The following PCED1B variants were observed in gnomAD, a reference collection of about 807,000 sequenced individuals.
The protein encoded by PCED1B is PC-esterase domain-containing protein 1B.
For synonymous variants in PCED1B, 251 were observed against 246.1 expected, an observed-to-expected ratio of 1.02 and a Z score of -0.19; for missense variants, 573 against 573.9, an observed-to-expected ratio of 1.00 and a Z score of 0.02.
At chr12:47,221,394 G>T (rs562709819) in intron 3 of PCED1B, among the ~76,000 whole-genome samples, 69 of 136,540 alleles carry the variant, frequency 5.1e-4, no homozygotes, top group African/African-American at 1.9e-3. Flanking sequence ...GTCCAGGTTG[G>T]TCTTGAATTC....
intron 2 of PCED1B, among the ~76,000 whole-genome samples, chr12:47,112,347 T>C (rs146822988): frequency 1.6e-4 from 25 of 152,358 alleles, no homozygotes; most frequent in African/African-American, 6.0e-4. Context: ...GTCTTGATTG[T>C]TTAAAGACTA....
intron 2 of PCED1B, among the ~76,000 whole-genome samples, chr12:47,173,236 A>C (rs2137563359): frequency 6.6e-6 from 1 of 152,310 alleles, no homozygotes; most frequent in East Asian, 1.9e-4. Context: ...ACTTTTTCGA[A>C]GTTCAGAATC....
intron 2 of PCED1B, among the ~76,000 whole-genome samples, chr12:47,154,766 GGTGTGTGTGTGCATGTGTGTGT>G (rs1941132079): frequency 7.9e-6 from 1 of 126,356 alleles, no homozygotes; most frequent in Non-Finnish European, 1.6e-5. Context: ...AGGACAGAGG[GGTGTGTGTGTGCATGTGTGTGT>G]GTGTGTGTGT....
chr12:47,113,965 A>AAC (rs369455510), intron 2 of PCED1B, among the ~76,000 whole-genome samples: 38,426 of 148,722 alleles, frequency 0.26, 5,830 homozygotes, highest in East Asian at 0.43. Context: ...AGAAAAAAAA[A>AAC]ACACACACAC....
intron 2 of PCED1B, among the ~76,000 whole-genome samples, chr12:47,117,676 A>G (rs970494255): frequency 5.9e-5 from 9 of 152,096 alleles, no homozygotes; most frequent in African/African-American, 9.7e-5. Context: ...ATGTGTCTTT[A>G]TAGCAGCATG....
In PCED1B at chr12:47,095,291, A is replaced by G. The variant is rs189445615; in HGVS notation, c.-608-8822A>G. 3.9e-5 allele frequency among the ~76,000 whole-genome samples: 6 copies of G among 152,196 alleles called. No homozygotes were observed. The East Asian group carries it at 1.2e-3, about 29-fold the overall frequency. ...TATTGTCTTCTCGCATCTATAATTT[A>G]TGTTGATAAATCAACTGTGAATCTT... On this transcript the variant is annotated intron_variant, in intron 1 of 3. Coordinates refer to ENST00000546455, the MANE Select transcript of PCED1B (RefSeq NM_138371.3).
intron 2 of PCED1B, among the ~76,000 whole-genome samples, chr12:47,198,181 G>A (rs1353128668): frequency 6.6e-6 from 1 of 152,112 alleles, no homozygotes; most frequent in East Asian, 1.9e-4. Context: ...CAATGTATAA[G>A]AAGAATTATG....
In PCED1B at chr12:47,200,817, G is replaced by A. The variant is rs7959307; in HGVS notation, c.-525-15405G>A. ...AGTTCAGATCACTGCAGAGTAAGTG[G>A]AAAAAATAATAATGAGACTTAAACA... is the stretch of plus-strand genomic sequence containing the variant. On this transcript the variant is annotated intron_variant, in intron 2 of 3. Coordinates refer to ENST00000546455, the MANE Select transcript of PCED1B (RefSeq NM_138371.3). Among the ~76,000 whole-genome samples, 1,224 of 152,246 alleles carry A rather than the reference G, an allele frequency of 8.0e-3. 12 individuals are homozygous for A. Among genetic ancestry groups the A allele is most frequent in the Admixed American group, 0.017 (262 of 15,278 alleles).
intron 1 of PCED1B, among the ~76,000 whole-genome samples, chr12:47,091,713 T>A (rs114034337): frequency 0.018 from 2,724 of 152,280 alleles, 82 homozygotes; most frequent in African/African-American, 0.062. Flanking sequence ...TATTGACTCT[T>A]GTGTGTAATG....
In PCED1B at chr12:47,235,040, G is replaced by A. The variant is rs375751919; in HGVS notation, c.-24G>A. On this transcript the variant is annotated 5_prime_UTR_variant, in exon 4 of 4. Coordinates refer to ENST00000546455, the MANE Select transcript of PCED1B (RefSeq NM_138371.3). ...AGAGCCATCCTGTGCAAAGGAAGGA[G>A]CTAGGCTGTGCGCCCTGGGCGTCAT... 1.2e-4 allele frequency: 183 copies of A among 1,518,760 alleles called. No individual in the cohort carries two copies. Among genetic ancestry groups the A allele is most frequent in the South Asian group, 2.9e-4 (22 of 75,056 alleles). The allele number at this position is 1,518,760 out of a possible 1,614,324, so 94.1% of individuals were successfully genotyped here.
chr12:47,202,989 T>G (rs1942812800), intron 2 of PCED1B, among the ~76,000 whole-genome samples: 1 of 148,066 alleles, frequency 6.8e-6, no homozygotes, highest in East Asian at 2.0e-4. Context: ...TTTTTTTTCC[T>G]GAGACAGTCT....
At chr12:47,207,649 A>G (rs2137744733) in intron 2 of PCED1B, among the ~76,000 whole-genome samples, 1 of 152,310 alleles carries the variant, frequency 6.6e-6, no homozygotes, top group East Asian at 1.9e-4. Flanking sequence ...GGAAATGACA[A>G]TAAGGAAATC....
At chr12:47,181,313 A>T (rs1942087558) in intron 2 of PCED1B, among the ~76,000 whole-genome samples, 1 of 151,782 alleles carries the variant, frequency 6.6e-6, no homozygotes, top group Non-Finnish European at 1.5e-5. Context: ...TACATATTTC[A>T]GTGCATTATT....
At chr12:47,219,640 A>G (rs752456845) in intron 3 of PCED1B, among the ~76,000 whole-genome samples, 3 of 152,242 alleles carry the variant, frequency 2.0e-5, no homozygotes, top group Non-Finnish European at 2.9e-5. Context: ...TAAGAAGACT[A>G]GCTAACAGAG....
intron 1 of PCED1B, among the ~76,000 whole-genome samples, chr12:47,094,677 A>G (rs1938404489): frequency 6.6e-6 from 1 of 151,574 alleles, no homozygotes; most frequent in South Asian, 2.1e-4. Flanking sequence ...ATACTGTTAG[A>G]CCCTTTGACC....
intron 3 of PCED1B, among the ~76,000 whole-genome samples, chr12:47,234,105 C>T (rs773160994): frequency 2.2e-4 from 34 of 152,210 alleles, no homozygotes; most frequent in Non-Finnish European, 1.0e-4. Context: ...TCTCCTGCCT[C>T]AGCCTCCCAA....
intron 2 of PCED1B, among the ~76,000 whole-genome samples, chr12:47,107,636 A>AT (rs1406224455): frequency 9.9e-5 from 15 of 152,196 alleles, no homozygotes; most frequent in African/African-American, 3.6e-4. Context: ...CACAGGCACC[A>AT]ACAGGCAGAC....
chr12:47,185,690 G>A (rs937131034), intron 2 of PCED1B, among the ~76,000 whole-genome samples: 4 of 151,778 alleles, frequency 2.6e-5, no homozygotes, highest in African/African-American at 9.7e-5. Flanking sequence ...GCAGGAGGCT[G>A]AGGCAGCAGA....
chr12:47,194,693 G>A (rs1942547540), intron 2 of PCED1B, among the ~76,000 whole-genome samples: 1 of 152,192 alleles, frequency 6.6e-6, no homozygotes, highest in Non-Finnish European at 1.5e-5. Flanking sequence ...ATCCTCAGAT[G>A]ACCTGCCAAC....
Sources: allele counts gnomAD v4.1 joint callset (sites outside exome capture counted in the v4.1 genomes callset), GRCh38; gene constraint gnomAD v4.1.1; transcripts MANE v1.5; gene names NCBI Gene and HGNC (gene_info 2026-07-23, HGNC 2026-07-21).